Variants in GOSR2 observed in about 807,000 individuals in gnomAD.
GOSR2 encodes golgi SNAP receptor complex member 2.
In GOSR2, 20 loss-of-function variants were observed where a neutral mutation model predicts 27.9. The ratio of observed to expected loss-of-function variants is 0.72; its 90% CI spans 0.50 to 1.04. GOSR2 has a LOEUF of 1.04. GOSR2 is among the 50% of genes least tolerant of loss of function. The probability of loss-of-function intolerance (pLI) is 0.00; values close to 1 mark genes in which losing one functional copy is unlikely to be tolerated. For synonymous variants in GOSR2, 91 were observed against 98.8 expected (o/e 0.92, Z 0.47); for missense variants, 261 against 270.5 (o/e 0.97, Z 0.25).
intron 6 of GOSR2, among the ~76,000 whole-genome samples, chr17:46,957,887 G>A (rs2090822456): frequency 6.6e-6 from 1 of 152,182 alleles, no homozygotes; most frequent in South Asian, 2.1e-4. Flanking sequence ...CGGAGGCAAG[G>A]CACTCACCCA....
At chr17:46,946,863 A>T (rs2089943512), downstream of GOSR2, among the ~76,000 whole-genome samples, 1 of 152,230 alleles carries the variant, frequency 6.6e-6, no homozygotes, top group African/African-American at 2.4e-5. Context: ...ACTCTGTTTC[A>T]ATTTTAAAAA....
At chr17:46,932,403 G>A (rs2087540521) in intron 4 of GOSR2, 2 of 626,764 alleles carry the variant, frequency 3.2e-6, no homozygotes, top group Non-Finnish European at 5.6e-6. Flanking sequence ...AAAACCTGAA[G>A]AGGAAGCAGT....
At chr17:46,942,843 A>G (rs2089453503), downstream of GOSR2, among the ~76,000 whole-genome samples, 2 of 152,178 alleles carry the variant, frequency 1.3e-5, no homozygotes, top group Non-Finnish European at 2.9e-5. Flanking sequence ...TGGAAGGCAC[A>G]TGGGAGAGGA....
rs149765350 is a variant in GOSR2 at position 46,940,439 on chromosome 17, A to G, written c.*1679A>G. On this transcript the variant is annotated 3_prime_UTR_variant, in exon 6 of 6. Coordinates refer to ENST00000640051, the MANE Select transcript of GOSR2 (RefSeq NM_004287.5). ...GATCTGTCTAACTCTGGGGAGGCACATTGACATTTCCATTACACACAGCAC... is the reference window on the plus strand; with the variant it reads ...GATCTGTCTAACTCTGGGGAGGCACGTTGACATTTCCATTACACACAGCAC... 6,274 of 1,604,664 alleles carry G rather than the reference A, an allele frequency of 3.9e-3. 22 individuals are homozygous for G. The highest frequency in any genetic ancestry group is 4.9e-3 in the Non-Finnish European group (5,731 of 1,178,614).
At chr17:46,954,117 A>G (rs1024715190) in intron 6 of GOSR2, among the ~76,000 whole-genome samples, 5 of 152,194 alleles carry the variant, frequency 3.3e-5, no homozygotes, top group Admixed American at 2.6e-4. Context: ...GCCCATGCCT[A>G]TGTCCTGAAT....
downstream of GOSR2, chr17:46,942,147 T>A: frequency 1.2e-5 from 2 of 166,042 alleles, no homozygotes; most frequent in Non-Finnish European, 2.5e-5. Flanking sequence ...TCAAACGTTG[T>A]AACACCCTAA....
chr17:46,930,344 G>T (rs1160086914), intron 2 of GOSR2: 1 of 152,288 alleles, frequency 6.6e-6, no homozygotes, highest in Non-Finnish European at 1.5e-5. Context: ...TTTCTTTTGT[G>T]CACAGTTTAG....
downstream of GOSR2, among the ~76,000 whole-genome samples, chr17:46,970,925 G>C (rs183784617): frequency 4.1e-4 from 62 of 152,280 alleles, no homozygotes; most frequent in Middle Eastern, 3.4e-3. Context: ...TAATTCTATC[G>C]ATCCCTCAAA....
intron 6 of GOSR2, among the ~76,000 whole-genome samples, chr17:46,960,170 ACAAG>A (rs2090969841): frequency 6.6e-6 from 1 of 152,242 alleles, no homozygotes; most frequent in Admixed American, 6.5e-5. Context: ...CAATAAGAAA[ACAAG>A]CAACCCAACT....
chr17:46,973,705 G>A (rs1221463955), intron 6 of GOSR2, among the ~76,000 whole-genome samples: 1 of 152,170 alleles, frequency 6.6e-6, no homozygotes, highest in African/African-American at 2.4e-5. Context: ...TATCTGCTGT[G>A]ATCTTTATTG....
At chr17:46,932,421 A>C (rs2087544048) in intron 4 of GOSR2, 1 of 615,576 alleles carries the variant, frequency 1.6e-6, no homozygotes, top group Non-Finnish European at 2.9e-6. Context: ...AGTTAAATTG[A>C]AGGGGAATAG....
intron 6 of GOSR2, among the ~76,000 whole-genome samples, chr17:46,961,055 A>G (rs1466498974): frequency 6.6e-6 from 1 of 152,242 alleles, no homozygotes; most frequent in African/African-American, 2.4e-5. Flanking sequence ...TGGGAATAAA[A>G]TACTAGACAA....
intron 6 of GOSR2, among the ~76,000 whole-genome samples, chr17:46,960,955 C>A (rs531462707): frequency 1.3e-5 from 2 of 151,632 alleles, no homozygotes; most frequent in Non-Finnish European, 2.9e-5. Flanking sequence ...TAGTGCTCTA[C>A]GTCAAAAAAG....
At chr17:46,965,081 A>G (rs1346591913) in intron 6 of GOSR2, 1 of 152,180 alleles carries the variant, frequency 6.6e-6, no homozygotes, top group East Asian at 1.9e-4. Flanking sequence ...TCCCAGAAAC[A>G]TTAATATAAA....
intron 1 of GOSR2, chr17:46,924,583 A>C (rs2146729732): frequency 6.6e-6 from 1 of 152,368 alleles, no homozygotes; most frequent in East Asian, 1.9e-4. Context: ...CATGAGGAAT[A>C]AGAGGGTGAT....
At chr17:46,947,519 C>T (rs1392363686) in intron 6 of GOSR2, among the ~76,000 whole-genome samples, 2 of 152,174 alleles carry the variant, frequency 1.3e-5, no homozygotes, top group South Asian at 4.1e-4. Context: ...TGTGGACAAG[C>T]CCCACTGTCC....
In GOSR2 at chr17:46,940,240, A is replaced by G. The variant is rs2089066641; in HGVS notation, c.*1480A>G. On this transcript the variant is annotated 3_prime_UTR_variant, in exon 6 of 6. Coordinates refer to ENST00000640051, the MANE Select transcript of GOSR2 (RefSeq NM_004287.5). ...AGATTAACTGAGTTTCCTGGATGCTAATTTCACACTTTCGGTTGGAGGAGA... is the reference window on the plus strand; with the variant it reads ...AGATTAACTGAGTTTCCTGGATGCTGATTTCACACTTTCGGTTGGAGGAGA... The G allele has an allele frequency of 7.0e-7, 1 of 1,421,490 alleles. No individual in the cohort carries two copies. The highest frequency in any genetic ancestry group is 9.2e-7 in the Non-Finnish European group (1 of 1,092,336). 88.1% of individuals were successfully genotyped at this position (1,421,490 alleles called of 1,614,324 possible). A position where few individuals can be genotyped will look rare whatever the true frequency, so the allele number is the denominator to read the frequency against.
intron 1 of GOSR2, among the ~76,000 whole-genome samples, 178 bp from the exon 2 acceptor site, chr17:46,929,342 T>G (rs2086959151): frequency 6.6e-6 from 1 of 152,220 alleles, no homozygotes; most frequent in South Asian, 2.1e-4. Context: ...TGTTAGTAGT[T>G]AAGATATTAG....
chr17:46,933,541 G>A (rs1350073362), intron 4 of GOSR2: 1 of 152,108 alleles, frequency 6.6e-6, no homozygotes, highest in Admixed American at 6.5e-5. Flanking sequence ...ACGCCTATCT[G>A]TGAGGAGCTC....
Sources: allele counts gnomAD v4.1 joint callset (sites outside exome capture counted in the v4.1 genomes callset), GRCh38; gene constraint gnomAD v4.1.1; transcripts MANE v1.5; gene names NCBI Gene and HGNC (gene_info 2026-07-23, HGNC 2026-07-21).